CELF4: variants seen among roughly 807,000 people sequenced by gnomAD.
The protein encoded by CELF4 is CUGBP Elav-like family member 4.
CELF4 carries 18 observed loss-of-function variants against 59.9 expected under a neutral mutation model. That is an observed-to-expected ratio of 0.30 (90% CI 0.21 to 0.45). The LOEUF (loss-of-function observed/expected upper bound fraction) is 0.45, where lower values mean the gene tolerates loss of function less well. Among genes scored for constraint, CELF4 ranks in the 20% least tolerant of loss-of-function variants. The pLI is 1.00. For missense variants in CELF4, 456 were observed against 689.0 expected (o/e 0.66, Z 3.79); for synonymous variants, 261 against 267.1 (o/e 0.98, Z 0.22).
chr18:37,296,422 T>C (rs2095645165), intron 3 of CELF4, among the ~76,000 whole-genome samples: 1 of 152,218 alleles, frequency 6.6e-6, no homozygotes, highest in African/African-American at 2.4e-5. Context: ...CCTTGACCTC[T>C]TGGGCTCAAG....
chr18:37,288,754 A>AG (rs2095062431), intron 3 of CELF4, among the ~76,000 whole-genome samples: 1 of 152,112 alleles, frequency 6.6e-6, no homozygotes, highest in South Asian at 2.1e-4. Flanking sequence ...TGAGATTGTG[A>AG]GGGGGAGAGT....
At chr18:37,340,900 T>C (rs1228546305) in intron 2 of CELF4, among the ~76,000 whole-genome samples, 1 of 152,216 alleles carries the variant, frequency 6.6e-6, no homozygotes, top group African/African-American at 2.4e-5. Context: ...GCTGTTTTCA[T>C]CTATTCGACA....
At chr18:37,471,923 C>T (rs2099834133) in intron 2 of CELF4, among the ~76,000 whole-genome samples, 1 of 152,198 alleles carries the variant, frequency 6.6e-6, no homozygotes, top group African/African-American at 2.4e-5. Flanking sequence ...ATTTCAGACC[C>T]TCTGTCTCTC....
chr18:37,510,912 G>T (rs2099943549), intron 1 of CELF4, among the ~76,000 whole-genome samples: 1 of 152,130 alleles, frequency 6.6e-6, no homozygotes, highest in Non-Finnish European at 1.5e-5. Flanking sequence ...AGGCAGCTCT[G>T]CCTTCCTGGG....
chr18:37,275,057 G>A (rs2092829766), intron 4 of CELF4, 58 bp downstream of exon 4: 1 of 1,593,050 alleles, frequency 6.3e-7, no homozygotes, highest in Non-Finnish European at 8.6e-7. Flanking sequence ...GAGCCCTCTG[G>A]TCTCCCTCCG....
intron 1 of CELF4, 43 bp from the exon 2 acceptor site, chr18:37,485,650 C>A: frequency 7.7e-7 from 1 of 1,294,198 alleles, no homozygotes; most frequent in Non-Finnish European, 1.0e-6. Context: ...GTGGGGCGCC[C>A]CCGGGCCCGC....
chr18:37,338,431 C>A (rs2097857559), intron 2 of CELF4, among the ~76,000 whole-genome samples: 1 of 144,266 alleles, frequency 6.9e-6, no homozygotes, highest in African/African-American at 2.9e-5. Context: ...ATCAGCACCT[C>A]TGTCACTGTC....
At chr18:37,272,958 C>T in intron 7 of CELF4, 58 bp downstream of exon 7, 1 of 1,530,290 alleles carries the variant, frequency 6.5e-7, no homozygotes, top group African/African-American at 1.4e-5. Context: ...TAGGTCCCAG[C>T]CTGGGGCCAG....
chr18:37,555,129 C>T (rs950998075), intron 1 of CELF4, among the ~76,000 whole-genome samples: 1 of 152,184 alleles, frequency 6.6e-6, no homozygotes, highest in African/African-American at 2.4e-5. Flanking sequence ...CAGTATATCC[C>T]ACCCCAGGAA....
At chr18:37,401,922 C>A (rs1018058010) in intron 2 of CELF4, among the ~76,000 whole-genome samples, 7 of 152,230 alleles carry the variant, frequency 4.6e-5, no homozygotes, top group African/African-American at 1.7e-4. Context: ...CTGGGCCAGA[C>A]CCCAGGTCTT....
intron 1 of CELF4, among the ~76,000 whole-genome samples, chr18:37,495,416 C>T (rs1032647137): frequency 1.3e-5 from 2 of 152,092 alleles, no homozygotes; most frequent in African/African-American, 2.4e-5. Context: ...GATTCCTTCT[C>T]CCTCTTGGCC....
chr18:37,439,069 G>A (rs536859508), intron 2 of CELF4, among the ~76,000 whole-genome samples: 1 of 152,280 alleles, frequency 6.6e-6, no homozygotes, highest in South Asian at 2.1e-4. Flanking sequence ...TGCTGGAACT[G>A]CAGAGGGCCC....
At chr18:37,530,810 A>G (rs2099968767) in intron 1 of CELF4, among the ~76,000 whole-genome samples, 1 of 152,068 alleles carries the variant, frequency 6.6e-6, no homozygotes, top group Admixed American at 6.5e-5. Context: ...TTTAGGATTA[A>G]TAGACTTTTT....
chr18:37,345,140 G>T (rs2098205312), intron 2 of CELF4, among the ~76,000 whole-genome samples: 1 of 152,178 alleles, frequency 6.6e-6, no homozygotes, highest in South Asian at 2.1e-4. Flanking sequence ...CCCAGGACTG[G>T]TGTACAGAGC....
intron 2 of CELF4, among the ~76,000 whole-genome samples, chr18:37,332,108 C>T (rs1036608092): frequency 6.6e-5 from 10 of 152,170 alleles, no homozygotes; most frequent in African/African-American, 1.9e-4. Context: ...CCAGCAGAAC[C>T]TTGGCACCAG....
At chr18:37,538,167 T>C (rs77375594) in intron 1 of CELF4, among the ~76,000 whole-genome samples, 1,798 of 152,350 alleles carry the variant, frequency 0.012, 36 homozygotes, top group African/African-American at 0.041. Context: ...TCCCAGGGGA[T>C]GGCCCTGGTC....
In CELF4 at chr18:37,539,469, AC is replaced by A. The variant is rs1569569807; in HGVS notation, c.286+25886del. Among the ~76,000 whole-genome samples, 776 of 105,600 alleles carry A rather than the reference AC, an allele frequency of 7.3e-3. 3 individuals carry two copies. The highest frequency in any genetic ancestry group is 0.012 in the Admixed American group (104 of 8,738). The allele number at this position is 105,600 out of a possible 152,430, so 69.3% of individuals were successfully genotyped here. On this transcript the variant is annotated intron_variant, in intron 1 of 12. Transcript: ENST00000420428. ...CTAAGACACACACACACACACACAC[AC>A]AAACACACACACACACACACACGCG...
intron 2 of CELF4, among the ~76,000 whole-genome samples, chr18:37,357,792 G>A (rs1012580824): frequency 6.6e-6 from 1 of 152,230 alleles, no homozygotes; most frequent in African/African-American, 2.4e-5. Context: ...ACCTGGATGT[G>A]AGACATGGAG....
At chr18:37,535,101 C>T (rs985233739) in intron 1 of CELF4, among the ~76,000 whole-genome samples, 2 of 152,158 alleles carry the variant, frequency 1.3e-5, no homozygotes, top group Non-Finnish European at 2.9e-5. Context: ...CGTGTGGCCT[C>T]GGATGGGAGG....
Sources: gnomAD v4.1 joint callset for allele counts (sites outside exome capture counted in the v4.1 genomes callset) on GRCh38, gnomAD v4.1.1 for gene constraint, MANE v1.5 for transcripts, NCBI Gene and HGNC (gene_info 2026-07-23, HGNC 2026-07-21) for gene names.